COL23A1: variants seen among roughly 807,000 people sequenced by gnomAD.
COL23A1 encodes the protein collagen alpha-1(XXIII) chain.
Under a neutral mutation model 99.3 loss-of-function variants are expected in COL23A1, and 97 were observed. The ratio of observed to expected loss-of-function variants is 0.98; its 90% CI spans 0.83 to 1.16. The LOEUF (loss-of-function observed/expected upper bound fraction) is 1.16, where lower values mean the gene tolerates loss of function less well. Ranked by LOEUF, COL23A1 falls within the 50% of genes most tolerant of loss-of-function variation. The probability of loss-of-function intolerance (pLI) is 0.00; values close to 1 mark genes in which losing one functional copy is unlikely to be tolerated. For missense variants in COL23A1, 762 were observed against 757.4 expected, an observed-to-expected ratio of 1.01 and a Z score of -0.07; for synonymous variants, 320 against 308.2, an observed-to-expected ratio of 1.04 and a Z score of -0.40.
rs1762468074 is a variant in COL23A1, at chr5:178,559,814, A to G, written c.361+868T>C. 1.5e-5 allele frequency among the ~76,000 whole-genome samples: 2 copies of G among 136,084 alleles called. 1 individual carries two copies. The highest frequency in any genetic ancestry group is 5.8e-5 in the African/African-American group (2 of 34,344). 89.3% of individuals were successfully genotyped at this position (136,084 alleles called of 152,430 possible). ...CGAGAAGTCTGAGACACATCACCCA[A>G]AAGTCACCTTTCCCTGCACGTCGAG... On this transcript the variant is annotated intron_variant, in intron 2 of 28. Transcript: ENST00000390654.
chr5:178,502,886 C>T (rs1040690659), intron 2 of COL23A1, among the ~76,000 whole-genome samples: 8 of 152,162 alleles, frequency 5.3e-5, no homozygotes, highest in South Asian at 2.1e-4. Context: ...GCCCCTGAAC[C>T]GCAGCACACG....
intron 2 of COL23A1, among the ~76,000 whole-genome samples, chr5:178,553,388 C>T (rs1338500214): frequency 6.6e-6 from 1 of 152,160 alleles, no homozygotes; most frequent in African/African-American, 2.4e-5. Context: ...AGTTTCACTC[C>T]TCTACGCAAA....
intron 27 of COL23A1, among the ~76,000 whole-genome samples, chr5:178,240,709 C>T (rs1226855579): frequency 1.3e-5 from 2 of 152,192 alleles, no homozygotes; most frequent in East Asian, 3.9e-4. Flanking sequence ...CCGAGGGGAG[C>T]GGTATCCCCC....
chr5:178,475,862 C>T lies in COL23A1; in HGVS notation c.361+84820G>A, dbSNP rs113494368. ...ACTCATACCTCCTGGAGGCTGCCCA[C>T]AGCTCCTGGCTGGGAGGACCCCTGC... On this transcript the variant is annotated intron_variant, in intron 2 of 28. Transcript: ENST00000390654. 4.6e-3 allele frequency among the ~76,000 whole-genome samples: 701 copies of T among 152,292 alleles called. 7 individuals are homozygous for T. The highest frequency in any genetic ancestry group is 0.016 in the African/African-American group (661 of 41,564).
chr5:178,562,742 G>GGGGGGGT (rs1762661398), intron 1 of COL23A1: 1 of 130,938 alleles, frequency 7.6e-6, no homozygotes, highest in Non-Finnish European at 1.6e-5. Context: ...GTGGTGGGGG[G>GGGGGGGT]GGTGCGGGCT....
intron 2 of COL23A1, among the ~76,000 whole-genome samples, chr5:178,502,273 AGGCGCCC>A (rs1367819631): frequency 6.6e-6 from 1 of 152,126 alleles, no homozygotes; most frequent in African/African-American, 2.4e-5. Flanking sequence ...CTGGGACTAC[AGGCGCCC>A]GCCACCACGC....
At chr5:178,302,039 G>GT (rs1758076441) in intron 3 of COL23A1, among the ~76,000 whole-genome samples, 1 of 42,224 alleles carries the variant, frequency 2.4e-5, no homozygotes, top group Non-Finnish European at 6.5e-5. Flanking sequence ...TGTGTGTGCT[G>GT]GAGCACGGCT....
rs565901887 is a variant in COL23A1, at chr5:178,432,557, A to G, written c.362-125638T>C. 9.2e-5 allele frequency among the ~76,000 whole-genome samples: 14 copies of G among 152,352 alleles called. No homozygotes were observed. In the South Asian group the frequency reaches 2.9e-3, roughly 32 times the overall value. ...GGGCTCAGGGTCTGTCACATGGAGC[A>G]GAGCAGGAAAGAAGCAGAGAACAAG... On this transcript the variant is annotated intron_variant, in intron 2 of 28. Transcript: ENST00000390654.
Position 178,365,404 on chromosome 5 carries a change from C to T in COL23A1, c.362-58485G>A, listed in dbSNP as rs1762416462. 6.6e-6 allele frequency among the ~76,000 whole-genome samples: 1 copy of T among 152,138 alleles called. No individual in the cohort carries two copies. The highest frequency in any genetic ancestry group is 2.4e-5 in the African/African-American group (1 of 41,414). Reference sequence around the variant, plus strand: ...TCAAGGCTTAGCTTCCCACTGGCCTCCTCCCTCCCGGACACTCACGCATTT... The same window carrying T: ...TCAAGGCTTAGCTTCCCACTGGCCTTCTCCCTCCCGGACACTCACGCATTT... On this transcript the variant is annotated intron_variant, in intron 2 of 28. Coordinates refer to ENST00000390654, the MANE Select transcript of COL23A1 (RefSeq NM_173465.4). The surrounding 1 kb of genome is among the most constrained non-coding windows in gnomAD (Gnocchi z 5.2).
At chr5:178,275,276 GA>G (rs1460361695) in intron 5 of COL23A1, among the ~76,000 whole-genome samples, 4 of 152,246 alleles carry the variant, frequency 2.6e-5, no homozygotes, top group Admixed American at 1.3e-4. Context: ...GCAGACACTG[GA>G]TTAGGGTTTG....
At chr5:178,464,615 G>A (rs1756314257) in intron 2 of COL23A1, among the ~76,000 whole-genome samples, 2 of 152,208 alleles carry the variant, frequency 1.3e-5, no homozygotes, top group Admixed American at 6.5e-5. Flanking sequence ...CAGCCCTGAC[G>A]TGGAAGTGCA....
chr5:178,441,390 C>A (rs1405073058), intron 2 of COL23A1, among the ~76,000 whole-genome samples: 1 of 152,114 alleles, frequency 6.6e-6, no homozygotes, highest in African/African-American at 2.4e-5. Flanking sequence ...TAATTCAAAT[C>A]TAAAACTCCA....
intron 2 of COL23A1, among the ~76,000 whole-genome samples, chr5:178,460,349 G>A (rs73805816): frequency 0.017 from 2,555 of 152,090 alleles, 78 homozygotes; most frequent in African/African-American, 0.058. Flanking sequence ...GATGAGCATG[G>A]CACTGCCCAT....
rs776420663 is a variant in COL23A1, at chr5:178,384,838, G to A, written c.362-77919C>T. 9.2e-5 allele frequency among the ~76,000 whole-genome samples: 14 copies of A among 152,204 alleles called. No homozygotes were observed. Among genetic ancestry groups the A allele is most frequent in the Non-Finnish European group, 1.6e-4 (11 of 68,028 alleles). On this transcript the variant is annotated intron_variant, in intron 2 of 28. Transcript: ENST00000390654. The surrounding 1 kb of genome is among the most constrained non-coding windows in gnomAD (Gnocchi z 5.5). The stretch of plus-strand genomic sequence containing the variant: ...GGAAATGGCTGTGCCTTTTCCTAAA[G>A]CATTAAAAGGTCCGTAACAGAAAAG...
intron 3 of COL23A1, among the ~76,000 whole-genome samples, chr5:178,296,263 AG>A (rs1210086318): frequency 5.3e-5 from 8 of 152,172 alleles, no homozygotes; most frequent in Non-Finnish European, 1.2e-4. Context: ...GAGACGAAGG[AG>A]GGGCTGTAAG....
intron 2 of COL23A1, among the ~76,000 whole-genome samples, chr5:178,333,120 G>C (rs1760126356): frequency 3.3e-5 from 5 of 152,018 alleles, no homozygotes; most frequent in Admixed American, 3.3e-4. Flanking sequence ...ACCGTGCCCA[G>C]CTAATTTTTG....
intron 3 of COL23A1, among the ~76,000 whole-genome samples, chr5:178,305,197 T>A (rs1056200470): frequency 1.3e-5 from 2 of 152,110 alleles, no homozygotes; most frequent in African/African-American, 2.4e-5. Context: ...GCCATTGAAC[T>A]CAAAACAGGC....
chr5:178,288,540 C>G (rs766116895), intron 4 of COL23A1, 190 bp from the exon 5 acceptor site: 28 of 652,224 alleles, frequency 4.3e-5, no homozygotes, highest in Middle Eastern at 3.0e-4. Context: ...CTCAGAGGGC[C>G]AGGCTGGAGG....
intron 2 of COL23A1, among the ~76,000 whole-genome samples, chr5:178,333,432 C>G (rs1760147618): frequency 6.6e-6 from 1 of 152,126 alleles, no homozygotes; most frequent in South Asian, 2.1e-4. Flanking sequence ...CCTCACCATC[C>G]CTGCATGCAG....
Sources: allele counts gnomAD v4.1 joint callset (sites outside exome capture counted in the v4.1 genomes callset), GRCh38; gene constraint gnomAD v4.1.1; non-coding constraint Gnocchi (gnomAD v3.1); transcripts MANE v1.5; gene names NCBI Gene and HGNC (gene_info 2026-07-23, HGNC 2026-07-21).